Variants in HYCC2 observed in about 807,000 individuals in gnomAD.
HYCC2 encodes hyccin 2.
At chr2:200,985,755 C>T in the HYCC2 span, among the ~76,000 whole-genome samples, 1 of 152,086 alleles carries the variant, frequency 6.6e-6, no homozygotes, top group Non-Finnish European at 1.5e-5. Context: ...CTCTCCCTCC[C>T]TCCCCCAAAT....
chr2:201,044,335 G>A, the HYCC2 span, among the ~76,000 whole-genome samples: 710 of 152,222 alleles, frequency 4.7e-3, 4 homozygotes, highest in African/African-American at 0.016. Context: ...CAATCCTCCC[G>A]CCTTGGGATT....
chr2:201,057,186 A>G, the HYCC2 span, among the ~76,000 whole-genome samples: 2 of 152,220 alleles, frequency 1.3e-5, no homozygotes, highest in Non-Finnish European at 2.9e-5. Context: ...CCATAAAGCT[A>G]TATGTGCTGG....
chr2:201,001,467 A>T, the HYCC2 span, among the ~76,000 whole-genome samples: 1 of 152,242 alleles, frequency 6.6e-6, no homozygotes, highest in Non-Finnish European at 1.5e-5. Flanking sequence ...ATGGATAAAT[A>T]AAATGTGGTA....
chr2:201,043,162 G>A, the HYCC2 span, among the ~76,000 whole-genome samples: 2 of 152,128 alleles, frequency 1.3e-5, no homozygotes, highest in South Asian at 4.1e-4. Flanking sequence ...CATGAGCTGT[G>A]TCCACTAAGG....
the HYCC2 span, among the ~76,000 whole-genome samples, chr2:201,006,124 G>A: frequency 3.0e-4 from 42 of 138,128 alleles, 3 homozygotes; most frequent in Admixed American, 2.2e-3. Flanking sequence ...GAGCTATCGC[G>A]CCTGGCTTTT....
chr2:201,050,370 A>C, the HYCC2 span, among the ~76,000 whole-genome samples: 1 of 152,188 alleles, frequency 6.6e-6, no homozygotes, highest in East Asian at 1.9e-4. Context: ...TGTATTATTA[A>C]AAATCTTTCC....
the HYCC2 span, among the ~76,000 whole-genome samples, chr2:201,043,932 C>A: frequency 6.6e-6 from 1 of 152,166 alleles, no homozygotes; most frequent in South Asian, 2.1e-4. Context: ...CTTGCCCCAG[C>A]TGGTCTTGAA....
the HYCC2 span, chr2:201,023,696 A>G: frequency 3.8e-6 from 1 of 264,946 alleles, no homozygotes; most frequent in Non-Finnish European, 7.1e-6. Flanking sequence ...CTTTTACTGA[A>G]TATATTTTAA....
the HYCC2 span, among the ~76,000 whole-genome samples, chr2:201,070,830 A>G: frequency 6.6e-6 from 1 of 152,100 alleles, no homozygotes; most frequent in Admixed American, 6.5e-5. Context: ...ACTTTTCTGA[A>G]GATCTTTAAA....
the HYCC2 span, chr2:201,008,955 T>C: frequency 3.5e-6 from 5 of 1,437,172 alleles, no homozygotes; most frequent in Non-Finnish European, 4.9e-6. Context: ...TGTTACTATA[T>C]ACAGTTTTGA....
the HYCC2 span, among the ~76,000 whole-genome samples, chr2:201,025,391 C>A: frequency 6.6e-6 from 1 of 150,442 alleles, no homozygotes; most frequent in African/African-American, 2.5e-5. Flanking sequence ...TAATGAACCA[C>A]TTATATAGTG....
chr2:200,977,339 A>C, the HYCC2 span: 1 of 152,270 alleles, frequency 6.6e-6, no homozygotes, highest in Admixed American at 6.5e-5. Context: ...ATCACACCAC[A>C]ACCTCTGAGC....
the HYCC2 span, among the ~76,000 whole-genome samples, chr2:201,028,704 G>T: frequency 6.6e-6 from 1 of 152,162 alleles, no homozygotes. Context: ...ACAAAAACAA[G>T]AAACGGGGAA....
At chr2:201,048,722 A>G in the HYCC2 span, among the ~76,000 whole-genome samples, 8 of 152,290 alleles carry the variant, frequency 5.3e-5, no homozygotes, top group South Asian at 1.7e-3. Context: ...TCAGAGAAAG[A>G]TTTAGAATTT....
At chr2:201,029,984 G>T in the HYCC2 span, among the ~76,000 whole-genome samples, 1 of 152,172 alleles carries the variant, frequency 6.6e-6, no homozygotes. Context: ...TTACTGAGGA[G>T]GCTGAGGTGG....
the HYCC2 span, among the ~76,000 whole-genome samples, chr2:201,054,567 A>C: frequency 6.6e-6 from 1 of 152,184 alleles, no homozygotes; most frequent in African/African-American, 2.4e-5. Context: ...AACCCCTTTT[A>C]GTAGGAAATA....
At chr2:201,004,622 G>A in the HYCC2 span, among the ~76,000 whole-genome samples, 14 of 152,196 alleles carry the variant, frequency 9.2e-5, no homozygotes, top group African/African-American at 3.1e-4. Flanking sequence ...TTATCAGATT[G>A]TGGATCAAAT....
At chr2:201,015,299 T>C in the HYCC2 span, among the ~76,000 whole-genome samples, 1 of 152,182 alleles carries the variant, frequency 6.6e-6, no homozygotes. Context: ...CTTTCTAGCA[T>C]ACCCTCCCCA....
the HYCC2 span, among the ~76,000 whole-genome samples, chr2:201,003,022 T>A: frequency 2.0e-5 from 3 of 152,124 alleles, no homozygotes; most frequent in Admixed American, 2.0e-4. Context: ...GAATAATAAC[T>A]CATCATTAAA....
Sources: gnomAD v4.1 joint callset for allele counts (sites outside exome capture counted in the v4.1 genomes callset) on GRCh38, gnomAD v4.1.1 for gene constraint, MANE v1.5 for transcripts, NCBI Gene and HGNC (gene_info 2026-07-23, HGNC 2026-07-21) for gene names.